Variants in PTPRD observed in about 807,000 individuals in gnomAD.
The protein encoded by PTPRD is protein tyrosine phosphatase receptor type D.
In PTPRD, 34 loss-of-function variants were observed where a neutral mutation model predicts 214.5. The ratio of observed to expected loss-of-function variants is 0.16; its 90% CI spans 0.12 to 0.21. The LOEUF (loss-of-function observed/expected upper bound fraction) is 0.21. Ranked by LOEUF, PTPRD falls within the 10% of genes least tolerant of loss-of-function variation. The pLI is 1.00. For synonymous variants in PTPRD, 1,128 were observed against 845.7 expected, an observed-to-expected ratio of 1.33 and a Z score of -5.79; for missense variants, 2,545 against 2,398.7, an observed-to-expected ratio of 1.06 and a Z score of -1.27.
At chr9:9,697,929 A>C (rs1393560774) in intron 7 of PTPRD, among the ~76,000 whole-genome samples, 2 of 152,108 alleles carry the variant, frequency 1.3e-5, no homozygotes, top group Non-Finnish European at 2.9e-5. Context: ...CCATTCTGCT[A>C]TTGAGAGACT....
chr9:9,255,600 T>C (rs2099977377), intron 9 of PTPRD, among the ~76,000 whole-genome samples: 1 of 152,006 alleles, frequency 6.6e-6, no homozygotes, highest in Admixed American at 6.6e-5. Context: ...TTGTTCACAC[T>C]CCCTCTCAGC....
At chr9:10,517,065 C>G (rs2050375861) in intron 2 of PTPRD, among the ~76,000 whole-genome samples, 2 of 151,858 alleles carry the variant, frequency 1.3e-5, no homozygotes, top group Non-Finnish European at 2.9e-5. Flanking sequence ...ATTTGTAATT[C>G]CACAAAAAAT....
intron 14 of PTPRD, among the ~76,000 whole-genome samples, chr9:8,594,042 C>T (rs569924641): frequency 4.6e-5 from 7 of 152,292 alleles, no homozygotes; most frequent in Non-Finnish European, 8.8e-5. Context: ...CCCAAGTTAA[C>T]TTCCTAATAG....
chr9:10,337,816 A>G (rs904664498), intron 3 of PTPRD, among the ~76,000 whole-genome samples: 1 of 151,756 alleles, frequency 6.6e-6, no homozygotes, highest in South Asian at 2.1e-4. Flanking sequence ...TTATACAAAT[A>G]GCAAATGGTG....
intron 2 of PTPRD, among the ~76,000 whole-genome samples, chr9:10,418,493 ACACACT>A (rs1343032107): frequency 2.1e-5 from 3 of 139,546 alleles, no homozygotes; most frequent in African/African-American, 8.4e-5. Context: ...ACACACACAC[ACACACT>A]TCATATCCTT....
intron 3 of PTPRD, among the ~76,000 whole-genome samples, chr9:10,326,491 G>C (rs1336374548): frequency 6.6e-6 from 1 of 151,566 alleles, no homozygotes; most frequent in Non-Finnish European, 1.5e-5. Context: ...AAGCCAAAAA[G>C]TTGAATATTT....
At chr9:10,310,923 T>C (rs1296670863) in intron 3 of PTPRD, among the ~76,000 whole-genome samples, 3 of 152,048 alleles carry the variant, frequency 2.0e-5, no homozygotes, top group Non-Finnish European at 2.9e-5. Context: ...CTTGTTCCAG[T>C]AACCTGCTGT....
chr9:8,830,914 CT>C (rs2097275814), intron 11 of PTPRD, among the ~76,000 whole-genome samples: 1 of 152,064 alleles, frequency 6.6e-6, no homozygotes, highest in Non-Finnish European at 1.5e-5. Flanking sequence ...CATTATAAGG[CT>C]TAATCAGCAA....
chr9:10,475,094 C>G (rs2099054177), intron 2 of PTPRD, among the ~76,000 whole-genome samples: 1 of 151,998 alleles, frequency 6.6e-6, no homozygotes, highest in Non-Finnish European at 1.5e-5. Flanking sequence ...CAAGAGCAAA[C>G]CAATTCAAAA....
At chr9:9,229,648 TC>T (rs1317150251) in intron 9 of PTPRD, among the ~76,000 whole-genome samples, 1 of 152,002 alleles carries the variant, frequency 6.6e-6, no homozygotes, top group East Asian at 1.9e-4. Flanking sequence ...ATGAAACAAC[TC>T]CCCAAAATCA....
chr9:9,135,332 T>G (rs1299646402), intron 10 of PTPRD, among the ~76,000 whole-genome samples: 1 of 152,206 alleles, frequency 6.6e-6, no homozygotes, highest in East Asian at 1.9e-4. Context: ...TCCTATGTAA[T>G]CTTTTGGTTC....
chr9:8,672,944 C>T (rs114573587), intron 12 of PTPRD, among the ~76,000 whole-genome samples: 1 of 151,948 alleles, frequency 6.6e-6, no homozygotes, highest in Non-Finnish European at 1.5e-5. Context: ...GTAGACACAG[C>T]AAATAAATGT....
chr9:8,687,574 A>T (rs2097707358), intron 12 of PTPRD, among the ~76,000 whole-genome samples: 1 of 152,200 alleles, frequency 6.6e-6, no homozygotes. Context: ...CCAAGGTCGG[A>T]TGGAAGTGTG....
Position 9,570,054 on chromosome 9 carries a change from G to A in PTPRD, c.-237+4678C>T, listed in dbSNP as rs142662981. Among the ~76,000 whole-genome samples the A allele has an allele frequency of 3.0e-3, 456 of 151,496 alleles. 2 individuals carry two copies. Among genetic ancestry groups the A allele is most frequent in the African/African-American group, 0.01 (432 of 41,470 alleles). On this transcript the variant is annotated intron_variant, in intron 8 of 45. Coordinates refer to ENST00000381196, the MANE Select transcript of PTPRD (RefSeq NM_002839.4). Reference sequence around the variant, plus strand: ...TTTAGGGAAAAAAAATAACCCCACAGAACTGCACTTTAACAATTCTGTGTA... The same window carrying A: ...TTTAGGGAAAAAAAATAACCCCACAAAACTGCACTTTAACAATTCTGTGTA...
At chr9:10,381,377 C>T (rs1223518770) in intron 2 of PTPRD, among the ~76,000 whole-genome samples, 1 of 152,026 alleles carries the variant, frequency 6.6e-6, no homozygotes, top group Non-Finnish European at 1.5e-5. Context: ...AAGCCAGATT[C>T]ATCATTTCTA....
chr9:9,904,673 C>A (rs1242328154), intron 5 of PTPRD, among the ~76,000 whole-genome samples: 1 of 151,738 alleles, frequency 6.6e-6, no homozygotes, highest in African/African-American at 2.4e-5. Flanking sequence ...AAAAGGTGAA[C>A]CATTAGATAA....
Position 8,977,769 on chromosome 9 carries a change from G to T in PTPRD, c.-104+40928C>A, listed in dbSNP as rs146209882. 2.6e-5 allele frequency among the ~76,000 whole-genome samples: 4 copies of T among 151,702 alleles called. No homozygotes were observed. In the East Asian group the frequency reaches 7.8e-4, roughly 30 times the overall value. ...AGTGAGGTGCCAAGGGCATATCTTG[G>T]AAGGAGACAGTAAAGAGAGTTTTAA... On this transcript the variant is annotated intron_variant, in intron 11 of 45. Transcript: ENST00000381196.
intron 7 of PTPRD, among the ~76,000 whole-genome samples, chr9:9,686,670 C>G (rs183283536): frequency 6.6e-6 from 1 of 151,612 alleles, no homozygotes; most frequent in African/African-American, 2.4e-5. Flanking sequence ...CTACCCTTAA[C>G]ATTTGTGTAC....
At chr9:10,537,712 A>G (rs939117375) in intron 2 of PTPRD, among the ~76,000 whole-genome samples, 3 of 152,082 alleles carry the variant, frequency 2.0e-5, no homozygotes, top group African/African-American at 7.2e-5. Context: ...GATTATATCC[A>G]TATTTATATT....
Sources: allele counts gnomAD v4.1 joint callset (sites outside exome capture counted in the v4.1 genomes callset), GRCh38; gene constraint gnomAD v4.1.1; transcripts MANE v1.5; gene names NCBI Gene and HGNC (gene_info 2026-07-23, HGNC 2026-07-21).